The following RNF170 variants were observed in gnomAD, a reference collection of about 807,000 sequenced individuals.
The protein encoded by RNF170 is E3 ubiquitin-protein ligase RNF170.
In RNF170, 12 loss-of-function variants were observed where a neutral mutation model predicts 32.7. The ratio of observed to expected loss-of-function variants is 0.37; its 90% confidence interval spans 0.24 to 0.60. RNF170 has a LOEUF of 0.60. Ranked by LOEUF, RNF170 falls within the 20% of genes least tolerant of loss-of-function variation. The pLI is 0.72. For synonymous variants in RNF170, 91 were observed against 103.6 expected (o/e 0.88, Z 0.74); for missense variants, 212 against 311.2 (o/e 0.68, Z 2.40).
chr8:42,894,312 G>C (rs1806565212), intron 1 of RNF170, among the ~76,000 whole-genome samples: 1 of 152,192 alleles, frequency 6.6e-6, no homozygotes, highest in Non-Finnish European at 1.5e-5. Context: ...GGGTGCTCAG[G>C]ACGGCACAAC....
At chr8:42,872,492 G>T (rs1462778982) in intron 3 of RNF170, among the ~76,000 whole-genome samples, 1 of 152,112 alleles carries the variant, frequency 6.6e-6, no homozygotes, top group East Asian at 1.9e-4. Context: ...CACCAGGCTG[G>T]AGTGCAGTGG....
chr8:42,866,720 G>A (rs549871036), intron 4 of RNF170, among the ~76,000 whole-genome samples: 2 of 152,294 alleles, frequency 1.3e-5, no homozygotes, highest in Admixed American at 1.3e-4. Context: ...TTTTCTGCTT[G>A]AAGGTATTCA....
chr8:42,850,945 A>G, downstream of RNF170: 1 of 1,551,630 alleles, frequency 6.4e-7, no homozygotes, highest in South Asian at 1.2e-5. Context: ...CAGGCATGCA[A>G]CAGCCTCTTG....
chr8:42,862,363 T>TA (rs987372767), intron 5 of RNF170, among the ~76,000 whole-genome samples: 2 of 151,994 alleles, frequency 1.3e-5, no homozygotes, highest in Non-Finnish European at 2.9e-5. Context: ...CCTACTATAA[T>TA]AAAAAAAAGA....
At position 42,873,972 on chromosome 8, in the gene RNF170, C is replaced by T. The variant is rs766591597; in HGVS notation, c.172G>A (p.Glu58Lys). 1 of 1,603,580 alleles carries T rather than the reference C, an allele frequency of 6.2e-7. No homozygotes were observed. The highest frequency in any genetic ancestry group is 8.5e-7 in the Non-Finnish European group (1 of 1,170,656). ...TGTTCTCGAAGTACCCTTACTAGCT[C>T]CTGGTTTTCTGGGTGAATGTTTTGA... ...VHQNIHPENQ[E>K]LVRVLREQLQ... Residue 58 changes from glutamate to lysine, a missense_variant, in exon 3 of 7, where the codon GAG becomes AAG. This residue lies in a region of RNF170 where 115 missense variants were observed against 132.3 expected (regional missense o/e 0.87). Transcript: ENST00000527424.
At position 42,855,251 on chromosome 8, in the gene RNF170, A is replaced by AG. The variant is rs370551278; in HGVS notation, c.*907dup. 7,304 of 1,117,928 alleles carry AG rather than the reference A, an allele frequency of 6.5e-3. 353 individuals are homozygous for AG. In the African/African-American group the frequency reaches 0.11, roughly 17 times the overall value. 69.3% of individuals were successfully genotyped at this position (1,117,928 alleles called of 1,614,324 possible). On this transcript the variant is annotated 3_prime_UTR_variant, in exon 7 of 7. Transcript: ENST00000527424. ...CATCTTTTTTTTTTTTTTTTTTGAGAGGGAGTCTCACTCTGTTGCCCAGGC... is the reference window on the plus strand; with the variant it reads ...CATCTTTTTTTTTTTTTTTTTTGAGAGGGGAGTCTCACTCTGTTGCCCAGGC...
At chr8:42,870,288 T>G (rs1027344370) in intron 3 of RNF170, among the ~76,000 whole-genome samples, 176 bp from the exon 4 acceptor site, 1 of 152,330 alleles carries the variant, frequency 6.6e-6, no homozygotes, top group Admixed American at 6.5e-5. Flanking sequence ...TTGTTTTTAT[T>G]TAAGCTGCAT....
In RNF170 at chr8:42,855,073, T is replaced by G; in HGVS notation, c.*1086A>C. On this transcript the variant is annotated 3_prime_UTR_variant, in exon 7 of 7. Coordinates refer to ENST00000527424, the MANE Select transcript of RNF170 (RefSeq NM_030954.4). The stretch of plus-strand genomic sequence containing the variant: ...CACGAAGATTCACCTTCCTCAGAAA[T>G]GCATCAGGCTACTCTGTGTTTGCAG... 7.8e-7 allele frequency: 1 copy of G among 1,287,238 alleles called. No individual in the cohort carries two copies. Among genetic ancestry groups the G allele is most frequent in the South Asian group, 1.2e-5 (1 of 80,940 alleles). 79.7% of individuals were successfully genotyped at this position (1,287,238 alleles called of 1,614,324 possible). A position where few individuals can be genotyped will look rare whatever the true frequency, so the allele number is the denominator to read the frequency against.
At chr8:42,878,742 A>G (rs1345579683) in intron 2 of RNF170, among the ~76,000 whole-genome samples, 1 of 152,252 alleles carries the variant, frequency 6.6e-6, no homozygotes, top group Admixed American at 6.5e-5. Context: ...TAGAAGAAAC[A>G]GTTTTCCCTT....
chr8:42,891,284 T>C (rs1188987962), intron 1 of RNF170, among the ~76,000 whole-genome samples: 1 of 152,206 alleles, frequency 6.6e-6, no homozygotes, highest in Non-Finnish European at 1.5e-5. Context: ...TCACGTAACA[T>C]GTTTACAATT....
intron 2 of RNF170, among the ~76,000 whole-genome samples, chr8:42,886,990 C>A (rs1805879262): frequency 6.6e-6 from 1 of 151,562 alleles, no homozygotes; most frequent in Admixed American, 6.6e-5. Flanking sequence ...CCTGTCTCTA[C>A]AAAAAAATAC....
At chr8:42,884,658 C>T (rs1805663432) in intron 2 of RNF170, among the ~76,000 whole-genome samples, 1 of 151,796 alleles carries the variant, frequency 6.6e-6, no homozygotes, top group African/African-American at 2.4e-5. Context: ...GTAGCCTATA[C>T]AGTTTTCAGC....
chr8:42,877,225 CTGTTTT>C (rs1805021699), intron 2 of RNF170, among the ~76,000 whole-genome samples: 1 of 151,020 alleles, frequency 6.6e-6, no homozygotes, highest in South Asian at 2.1e-4. Context: ...TGCGCCTGGC[CTGTTTT>C]TGTTTTTGAG....
chr8:42,869,118 C>T (rs1430698310), intron 4 of RNF170, among the ~76,000 whole-genome samples: 1 of 152,078 alleles, frequency 6.6e-6, no homozygotes, highest in African/African-American at 2.4e-5. Flanking sequence ...TTATGTTGCC[C>T]AGGCTGGCCT....
At chr8:42,851,186 G>A (rs1032661851), downstream of RNF170, among the ~76,000 whole-genome samples, 3 of 152,182 alleles carry the variant, frequency 2.0e-5, no homozygotes, top group African/African-American at 7.2e-5. Flanking sequence ...CTTGGACTGC[G>A]GTGGTGGCAG....
intron 2 of RNF170, chr8:42,881,604 G>C (rs1431570275): frequency 6.6e-6 from 1 of 152,164 alleles, no homozygotes; most frequent in African/African-American, 2.4e-5. Context: ...TGCAGCTGCA[G>C]GTCATTTTCC....
In RNF170 at chr8:42,887,823, A is replaced by G; in HGVS notation, c.42T>C (p.Asp14=). 1 of 1,614,024 alleles carries G rather than the reference A, an allele frequency of 6.2e-7. No homozygotes were observed. Among genetic ancestry groups the G allele is most frequent in the Non-Finnish European group, 8.5e-7 (1 of 1,179,864 alleles). The change falls in exon 2 of 7, where the codon GAT becomes GAC. Residue 14 remains aspartate (D), a synonymous_variant. Transcript: ENST00000527424. ...YQGEVQSLKL[D]DDSVIEGVSD... is the part of the protein sequence containing the mutation. ...TTACTCCTTCTATAACTGAATCATCATCCAGTTTCAAACTTTGAACTTCAC... is the reference window on the plus strand; with the variant it reads ...TTACTCCTTCTATAACTGAATCATCGTCCAGTTTCAAACTTTGAACTTCAC...
Position 42,861,863 on chromosome 8 carries a change from T to C in RNF170, c.397-8A>G. 1 of 1,601,730 alleles carries C rather than the reference T, an allele frequency of 6.2e-7. No individual in the cohort carries two copies. Among genetic ancestry groups the C allele is most frequent in the Non-Finnish European group, 8.5e-7 (1 of 1,175,474 alleles). ...TGTTAGGAGTAAGGTTACCTGTATATTACAGAAAAAAAAATTATTTCAACT... is the reference window on the plus strand; with the variant it reads ...TGTTAGGAGTAAGGTTACCTGTATACTACAGAAAAAAAAATTATTTCAACT... On this transcript the variant is annotated splice_polypyrimidine_tract_variant and splice_region_variant and intron_variant, in intron 5 of 6. Coordinates refer to ENST00000527424, the MANE Select transcript of RNF170 (RefSeq NM_030954.4).
intron 2 of RNF170, among the ~76,000 whole-genome samples, chr8:42,886,164 C>T (rs1039361685): frequency 1.3e-5 from 2 of 151,628 alleles, no homozygotes; most frequent in Admixed American, 6.6e-5. Context: ...GTGGAGCTTG[C>T]AGTGAGCCGA....
Sources: gnomAD v4.1 joint callset for allele counts (sites outside exome capture counted in the v4.1 genomes callset) on GRCh38, gnomAD v4.1.1 for gene constraint, gnomAD v4.1.1 regional missense constraint, MANE v1.5 for transcripts, NCBI Gene and HGNC (gene_info 2026-07-23, HGNC 2026-07-21) for gene names.